The following HYCC2 variants were observed in gnomAD, a reference collection of about 807,000 sequenced individuals.
The protein encoded by HYCC2 is hyccin 2.
the HYCC2 span, among the ~76,000 whole-genome samples, chr2:201,024,656 T>C: frequency 1.3e-5 from 2 of 152,110 alleles, no homozygotes; most frequent in African/African-American, 2.4e-5. Context: ...TTTTACCAAA[T>C]ACATAACCAG....
At chr2:200,990,277 T>C in the HYCC2 span, among the ~76,000 whole-genome samples, 8 of 152,304 alleles carry the variant, frequency 5.3e-5, no homozygotes, top group African/African-American at 9.6e-5. Context: ...AGACATGGGA[T>C]AGAGGGTCAA....
the HYCC2 span, chr2:200,981,592 G>C: frequency 6.2e-7 from 1 of 1,612,958 alleles, no homozygotes; most frequent in Non-Finnish European, 8.5e-7. The surrounding 1 kb of genome is among the most constrained non-coding windows in gnomAD (Gnocchi z 4.5). Flanking sequence ...TTTCTTCATT[G>C]GTGTCAGCTC....
chr2:200,981,705 A>T, the HYCC2 span: 1 of 1,614,148 alleles, frequency 6.2e-7, no homozygotes, highest in Non-Finnish European at 8.5e-7. The surrounding 1 kb of genome is among the most constrained non-coding windows in gnomAD (Gnocchi z 4.5). Flanking sequence ...CTGTTTCTTT[A>T]TCCTTGGCTG....
chr2:201,003,805 CTTTTTTTTTTTTT>C, the HYCC2 span, among the ~76,000 whole-genome samples: 13 of 66,360 alleles, frequency 2.0e-4, no homozygotes, highest in African/African-American at 2.8e-4. Context: ...GTTGTTGTTG[CTTTTTTTTTTTTT>C]TTTTTTTTTT....
the HYCC2 span, among the ~76,000 whole-genome samples, chr2:201,005,535 C>T: frequency 6.6e-6 from 1 of 152,172 alleles, no homozygotes; most frequent in Non-Finnish European, 1.5e-5. Context: ...TGTCAGAATT[C>T]CTAAAGGCCT....
chr2:201,066,513 A>C, the HYCC2 span, among the ~76,000 whole-genome samples: 3 of 152,238 alleles, frequency 2.0e-5, no homozygotes, highest in Non-Finnish European at 4.4e-5. Flanking sequence ...CAGATTAAAA[A>C]GCCCCAATAC....
chr2:201,045,045 G>A, the HYCC2 span, among the ~76,000 whole-genome samples: 3 of 152,278 alleles, frequency 2.0e-5, no homozygotes, highest in East Asian at 1.9e-4. Flanking sequence ...ATATTTCAAG[G>A]TGTAAGTCTA....
the HYCC2 span, among the ~76,000 whole-genome samples, chr2:201,009,808 A>G: frequency 3.3e-5 from 5 of 151,940 alleles, no homozygotes. Context: ...TTCTAAAGTT[A>G]GAAGAACCAT....
At chr2:201,011,544 T>C in the HYCC2 span, 2 of 854,040 alleles carry the variant, frequency 2.3e-6, no homozygotes, top group Non-Finnish European at 3.4e-6. Context: ...ACTTTCTTAA[T>C]TTACAGAATA....
chr2:201,060,063 G>T, the HYCC2 span, among the ~76,000 whole-genome samples: 5 of 141,638 alleles, frequency 3.5e-5, no homozygotes, highest in South Asian at 5.0e-4. Flanking sequence ...GCGGGGGGGG[G>T]GGGGTTCTTC....
At chr2:201,018,726 A>G in the HYCC2 span, among the ~76,000 whole-genome samples, 1 of 152,170 alleles carries the variant, frequency 6.6e-6, no homozygotes, top group Admixed American at 6.6e-5. Context: ...AGCTATTCAC[A>G]AGGTTGAAGA....
At chr2:200,991,448 A>T in the HYCC2 span, among the ~76,000 whole-genome samples, 2 of 152,150 alleles carry the variant, frequency 1.3e-5, no homozygotes, top group South Asian at 4.1e-4. Flanking sequence ...ACACGCCTAT[A>T]GTCCCAGCTA....
the HYCC2 span, among the ~76,000 whole-genome samples, chr2:201,043,738 G>A: frequency 6.6e-6 from 1 of 151,950 alleles, no homozygotes; most frequent in Non-Finnish European, 1.5e-5. Context: ...TCGATCTCCT[G>A]ACCTCGTGAT....
the HYCC2 span, chr2:200,992,289 G>T: frequency 1.9e-6 from 3 of 1,598,220 alleles, no homozygotes; most frequent in Middle Eastern, 1.7e-4. Flanking sequence ...ACCAATAGTG[G>T]TTGAGAAAAA....
chr2:200,997,263 C>T, the HYCC2 span: 4 of 480,980 alleles, frequency 8.3e-6, no homozygotes, highest in Admixed American at 1.1e-4. Flanking sequence ...TCATAAAAAA[C>T]CAAAACAACA....
the HYCC2 span, among the ~76,000 whole-genome samples, chr2:201,039,224 G>A: frequency 4.7e-3 from 720 of 152,146 alleles, 2 homozygotes; most frequent in Non-Finnish European, 6.7e-3. Context: ...AACGTTATTT[G>A]TTTACTTAAT....
the HYCC2 span, among the ~76,000 whole-genome samples, chr2:201,033,197 G>GAC: frequency 9.0e-6 from 1 of 110,860 alleles, no homozygotes; most frequent in Non-Finnish European, 1.9e-5. Flanking sequence ...GTGTGTGTGT[G>GAC]AGAGAGAGAG....
chr2:201,070,769 C>T, the HYCC2 span, among the ~76,000 whole-genome samples: 4 of 152,162 alleles, frequency 2.6e-5, no homozygotes, highest in Non-Finnish European at 4.4e-5. Context: ...ATTTTCTAGT[C>T]ATTTTCCAAC....
the HYCC2 span, chr2:200,997,518 T>C: frequency 6.2e-7 from 1 of 1,613,116 alleles, no homozygotes; most frequent in Non-Finnish European, 8.5e-7. Context: ...TAACACAGCA[T>C]GAGAAAACTC....
Sources: gnomAD v4.1 joint callset for allele counts (sites outside exome capture counted in the v4.1 genomes callset) on GRCh38, gnomAD v4.1.1 for gene constraint, Gnocchi (gnomAD v3.1) non-coding constraint, MANE v1.5 for transcripts, NCBI Gene and HGNC (gene_info 2026-07-23, HGNC 2026-07-21) for gene names.